LIN7A: variants seen among roughly 807,000 people sequenced by gnomAD.
LIN7A encodes the protein protein lin-7 homolog A.
A neutral mutation model predicts 29.8 loss-of-function variants in LIN7A; 25 were observed. The observed-to-expected ratio is 0.84, with a 90% CI of 0.61 to 1.17. The LOEUF (loss-of-function observed/expected upper bound fraction) is 1.17, where lower values mean the gene tolerates loss of function less well. LIN7A is among the 50% of genes most tolerant of loss of function. The probability of loss-of-function intolerance (pLI) is 0.00; values close to 1 mark genes in which losing one functional copy is unlikely to be tolerated. For missense variants in LIN7A, 239 were observed against 287.0 expected (o/e 0.83, Z 1.21); for synonymous variants, 118 against 107.5 (o/e 1.10, Z -0.60).
chr12:80,817,745 C>A (rs1871601713), intron 4 of LIN7A, among the ~76,000 whole-genome samples: 2 of 152,116 alleles, frequency 1.3e-5, no homozygotes, highest in Non-Finnish European at 2.9e-5. Context: ...GAAACAGACA[C>A]CAAGACTGGC....
At chr12:80,870,567 G>A (rs1874376915) in intron 2 of LIN7A, among the ~76,000 whole-genome samples, 1 of 152,080 alleles carries the variant, frequency 6.6e-6, no homozygotes, top group Non-Finnish European at 1.5e-5. Flanking sequence ...ACAACATGGA[G>A]GACTGAATAA....
chr12:80,927,879 C>G (rs1261289149), intron 1 of LIN7A, among the ~76,000 whole-genome samples: 1 of 152,116 alleles, frequency 6.6e-6, no homozygotes, highest in South Asian at 2.1e-4. Context: ...CCCCACAGGC[C>G]TGGCTGTGTG....
chr12:80,890,962 A>AT lies in LIN7A; in HGVS notation c.83-1594dup, dbSNP rs138373202. On this transcript the variant is annotated intron_variant, in intron 1 of 5. Coordinates refer to ENST00000552864, the MANE Select transcript of LIN7A (RefSeq NM_004664.4). ...TGGATGCATGGAACTCTCAGAGCTC[A>AT]TTTTTTTTCCCCCTAAAACTCGCTC... Among the ~76,000 whole-genome samples the AT allele has an allele frequency of 2.1e-4, 32 of 151,780 alleles. No individual in the cohort carries two copies. The East Asian group carries it at 5.6e-3, about 27-fold the overall frequency.
At chr12:80,854,080 A>G (rs941949481) in intron 2 of LIN7A, among the ~76,000 whole-genome samples, 1 of 152,222 alleles carries the variant, frequency 6.6e-6, no homozygotes, top group Non-Finnish European at 1.5e-5. Flanking sequence ...TTCCTGCAAG[A>G]TTTAATGTAA....
At chr12:80,909,599 G>T (rs1284041426) in intron 1 of LIN7A, among the ~76,000 whole-genome samples, 2 of 152,002 alleles carry the variant, frequency 1.3e-5, no homozygotes, top group Non-Finnish European at 2.9e-5. Context: ...TGGCAGAAGG[G>T]GCAATGAAGC....
At chr12:80,891,674 C>T (rs890284356) in intron 1 of LIN7A, among the ~76,000 whole-genome samples, 1 of 152,068 alleles carries the variant, frequency 6.6e-6, no homozygotes, top group African/African-American at 2.4e-5. Context: ...ATAAATGAAG[C>T]ACTACAGGAT....
intron 4 of LIN7A, among the ~76,000 whole-genome samples, chr12:80,812,638 G>A (rs991511275): frequency 6.6e-6 from 1 of 151,924 alleles, no homozygotes; most frequent in East Asian, 1.9e-4. Flanking sequence ...CACCACCTCC[G>A]CCTCCTGGGT....
chr12:80,924,324 A>G (rs563705258), intron 1 of LIN7A, among the ~76,000 whole-genome samples: 16 of 152,366 alleles, frequency 1.1e-4, no homozygotes, highest in African/African-American at 3.4e-4. Flanking sequence ...CAGAACTGCA[A>G]TTCAAATCCA....
Position 80,796,041 on chromosome 12 carries a change from AG to A in LIN7A, c.*1685del, listed in dbSNP as rs1381541860. 5 of 152,204 alleles carry A rather than the reference AG, an allele frequency of 3.3e-5. No homozygotes were observed. Among genetic ancestry groups the A allele is most frequent in the Non-Finnish European group, 5.9e-5 (4 of 68,022 alleles). The allele number at this position is 152,204 out of a possible 1,614,324, so 9.4% of individuals were successfully genotyped here. A position where few individuals can be genotyped will look rare whatever the true frequency, so the allele number is the denominator to read the frequency against. On this transcript the variant is annotated 3_prime_UTR_variant, in exon 6 of 6. Coordinates refer to ENST00000552864, the MANE Select transcript of LIN7A (RefSeq NM_004664.4). ...TGGTGAGGGATGCATTGTGAAGAGC[AG>A]GGAAAACCTGGTATTGACAATACTA...
intron 2 of LIN7A, among the ~76,000 whole-genome samples, chr12:80,854,198 A>G (rs118156860): frequency 1.3e-5 from 2 of 152,290 alleles, no homozygotes; most frequent in Non-Finnish European, 2.9e-5. Flanking sequence ...ATTGGCACAA[A>G]CTGGAAACAA....
rs751927121 is a variant in LIN7A, at chr12:80,793,490, C to G, written c.*4237G>C. 1 of 152,120 alleles carries G rather than the reference C, an allele frequency of 6.6e-6. No individual in the cohort carries two copies. Among genetic ancestry groups the G allele is most frequent in the Non-Finnish European group, 1.5e-5 (1 of 68,006 alleles). 9.4% of individuals were successfully genotyped at this position (152,120 alleles called of 1,614,324 possible). ...TCAGGTGTGAAGAGGACCCAATGGA[C>G]AGTAAACTCTCTAGTTATTGCTAGA... On this transcript the variant is annotated 3_prime_UTR_variant, in exon 6 of 6. Coordinates refer to ENST00000552864, the MANE Select transcript of LIN7A (RefSeq NM_004664.4).
chr12:80,827,952 C>T (rs998989690), intron 4 of LIN7A, among the ~76,000 whole-genome samples: 2 of 151,922 alleles, frequency 1.3e-5, no homozygotes, highest in African/African-American at 2.4e-5. Context: ...CTAGTTCATT[C>T]CTGCCAGAAT....
intron 4 of LIN7A, among the ~76,000 whole-genome samples, chr12:80,824,923 A>T (rs1871988367): frequency 2.0e-5 from 3 of 152,230 alleles, no homozygotes; most frequent in Admixed American, 2.0e-4. Flanking sequence ...AATGGGGAAA[A>T]GTAGAAAGCA....
At chr12:80,908,389 T>G (rs12810699) in intron 1 of LIN7A, among the ~76,000 whole-genome samples, 1 of 152,084 alleles carries the variant, frequency 6.6e-6, no homozygotes, top group African/African-American at 2.4e-5. Context: ...TAAAATTTGA[T>G]CCAGGGGAAA....
chr12:80,928,537 T>A (rs965472369), intron 1 of LIN7A, among the ~76,000 whole-genome samples: 1 of 152,208 alleles, frequency 6.6e-6, no homozygotes, highest in African/African-American at 2.4e-5. Flanking sequence ...CATTTTTTGA[T>A]GGGGTTGTTT....
intron 1 of LIN7A, among the ~76,000 whole-genome samples, chr12:80,914,521 A>G (rs1239255665): frequency 1.3e-5 from 2 of 152,206 alleles, no homozygotes; most frequent in African/African-American, 4.8e-5. Flanking sequence ...CAGAATTTTC[A>G]AACACTCTCA....
chr12:80,923,271 C>CA (rs1425793590), intron 1 of LIN7A, among the ~76,000 whole-genome samples: 1 of 152,198 alleles, frequency 6.6e-6, no homozygotes, highest in African/African-American at 2.4e-5. Flanking sequence ...CTTTCTGTCT[C>CA]AAACTGAGAG....
At chr12:80,846,393 A>C (rs953905665) in intron 3 of LIN7A, among the ~76,000 whole-genome samples, 3 of 152,206 alleles carry the variant, frequency 2.0e-5, no homozygotes, top group African/African-American at 7.2e-5. Context: ...AAAGTTCATA[A>C]GTATTTTTTT....
rs1872471112 is a variant in LIN7A, at chr12:80,833,509, A to G, written c.483+12221T>C. On this transcript the variant is annotated intron_variant, in intron 4 of 5. Transcript: ENST00000552864. Reference sequence around the variant, plus strand: ...CGGCTTTTCCTCCATGCCTTCACACACCCTATGCCCACATGTTGGCAATTG... The same window carrying G: ...CGGCTTTTCCTCCATGCCTTCACACGCCCTATGCCCACATGTTGGCAATTG... Among the ~76,000 whole-genome samples, 8 of 152,150 alleles carry G rather than the reference A, an allele frequency of 5.3e-5. No homozygotes were observed. The South Asian group carries it at 1.7e-3, about 32-fold the overall frequency.
Sources: allele counts gnomAD v4.1 joint callset (sites outside exome capture counted in the v4.1 genomes callset), GRCh38; gene constraint gnomAD v4.1.1; transcripts MANE v1.5; gene names NCBI Gene and HGNC (gene_info 2026-07-23, HGNC 2026-07-21).